Variants in SBF1 observed in about 807,000 individuals in gnomAD.
SBF1 encodes the protein myotubularin-related protein 5.
Under a neutral mutation model 215.8 loss-of-function variants are expected in SBF1, and 65 were observed. That is an observed-to-expected ratio of 0.30 (90% CI 0.25 to 0.37). The LOEUF (loss-of-function observed/expected upper bound fraction) is 0.37, where lower values mean the gene tolerates loss of function less well. SBF1 is among the 10% of genes least tolerant of loss of function. The pLI is 1.00. For synonymous variants in SBF1, 1,410 were observed against 1,122.8 expected (o/e 1.26, Z -5.11); for missense variants, 2,634 against 2,667.8 (o/e 0.99, Z 0.28).
At position 50,455,461 on chromosome 22, in the gene SBF1, C is replaced by T. The variant is rs2067210922; in HGVS notation, c.4368+20G>A. On this transcript the variant is annotated intron_variant, in intron 32 of 40. Transcript: ENST00000380817. ...AGGAGCCCGGGAGCCTGGCCCACCC[C>T]AGCCCCACGCGCCACACACCTGGGT... 2 of 1,612,072 alleles carry T rather than the reference C, an allele frequency of 1.2e-6. No homozygotes were observed. Among genetic ancestry groups the T allele is most frequent in the South Asian group, 1.1e-5 (1 of 90,954 alleles).
At chr22:50,457,955 C>G (rs4824119) in intron 28 of SBF1, among the ~76,000 whole-genome samples, 56,933 of 151,976 alleles carry the variant, frequency 0.37, 11,807 homozygotes, top group Non-Finnish European at 0.48. Flanking sequence ...AGTGAGGACG[C>G]AGCACCAGCC....
Position 50,447,356 on chromosome 22 carries a change from G to A in SBF1, c.5549C>T (p.Ala1850Val). 1 of 1,614,050 alleles carries A rather than the reference G, an allele frequency of 6.2e-7. No homozygotes were observed. Among genetic ancestry groups the A allele is most frequent in the Non-Finnish European group, 8.5e-7 (1 of 1,179,968 alleles). ...AVAPGTPTMGAPKTVDEKAFF... is the reference protein window; with the variant it reads ...AVAPGTPTMGVPKTVDEKAFF... ...GGCCTTCTCGTCCACAGTCTTAGGG[G>A]CACCCATAGTGGGCGTGCCAGGTGC... Residue 1850 changes from alanine (A) to valine (V), a missense_variant, in exon 40 of 41, where the codon GCC becomes GTC. Ala to Val is a moderately conservative substitution (Grantham distance 64, BLOSUM62 0). Transcript: ENST00000380817.
In SBF1 at chr22:50,462,870, C is replaced by G; in HGVS notation, c.1968G>C (p.Arg656=). 6.2e-7 allele frequency: 1 copy of G among 1,613,188 alleles called. No homozygotes were observed. Among genetic ancestry groups the G allele is most frequent in the Non-Finnish European group, 8.5e-7 (1 of 1,179,934 alleles). ...ALLPLVTAFC[R]KLSPGVTQFA... ...AGACCTCAGCCATGCCAGCACTCAC[C>G]CGGCAGAAGGCTGTGACCAGAGGCA... The change falls in exon 17 of 41, where the codon CGG becomes CGC. Residue 656 remains arginine (R), a splice_region_variant and synonymous_variant. Coordinates refer to ENST00000380817, the MANE Select transcript of SBF1 (RefSeq NM_002972.4).
In SBF1 at chr22:50,462,571, C is replaced by A; in HGVS notation, c.2115G>T (p.Leu705=). The change falls in exon 18 of 41, where the codon CTG becomes CTT. Residue 705 remains leucine (L), a synonymous_variant. Transcript: ENST00000380817. The part of the protein sequence containing the change: ...RALYLEPTED[L]APAQEVGEAP... Reference sequence around the variant, plus strand: ...AGTCCCTGCGCACCTGGGCGGGGGCCAGGTCCTCCGTGGGCTCCAGGTAGA... The same window carrying A: ...AGTCCCTGCGCACCTGGGCGGGGGCAAGGTCCTCCGTGGGCTCCAGGTAGA... 6.2e-7 allele frequency: 1 copy of A among 1,611,748 alleles called. No individual in the cohort carries two copies. The highest frequency in any genetic ancestry group is 8.5e-7 in the Non-Finnish European group (1 of 1,179,532).
At chr22:50,474,131 C>T (rs2068089145) in intron 1 of SBF1, among the ~76,000 whole-genome samples, 1 of 152,224 alleles carries the variant, frequency 6.6e-6, no homozygotes. Context: ...CCGACCGCCA[C>T]GCTGATACCC....
rs566027323 is a variant in SBF1 at position 50,472,159 on chromosome 22, G to A, written c.55+2627C>T. ...GTGAGGGGCCTGCAGATGGGCCAGC[G>A]CTGGCCACCATCACTCTCTGAGGTG... On this transcript the variant is annotated intron_variant, in intron 1 of 40. Coordinates refer to ENST00000380817, the MANE Select transcript of SBF1 (RefSeq NM_002972.4). Among the ~76,000 whole-genome samples the A allele has an allele frequency of 7.2e-5, 11 of 152,304 alleles. No individual in the cohort carries two copies. In the South Asian group the frequency reaches 1.7e-3, roughly 23 times the overall value.
At chr22:50,447,744 C>G in intron 38 of SBF1, 135 bp from the exon 39 acceptor site, 2 of 649,226 alleles carry the variant, frequency 3.1e-6, no homozygotes, top group Non-Finnish European at 5.3e-6. Context: ...CTGACCTAAG[C>G]CCAGAGCACT....
chr22:50,462,759 A>G (rs757244355), intron 17 of SBF1, 42 bp from the exon 18 acceptor site: 277 of 1,609,342 alleles, frequency 1.7e-4, no homozygotes, highest in Non-Finnish European at 2.3e-4. Context: ...TGCAGCCAGG[A>G]AGGGCGGCTG....
rs146802280 is a variant in SBF1, at chr22:50,453,961, T to TA, written c.5043+550dup. On this transcript the variant is annotated intron_variant, in intron 36 of 40. Coordinates refer to ENST00000380817, the MANE Select transcript of SBF1 (RefSeq NM_002972.4). ...ACGCGCAGGACACTGCCTCAGGCCT[T>TA]ACACACCAACCCAGCCACCACCCAA... 6.6e-3 allele frequency among the ~76,000 whole-genome samples: 1,005 copies of TA among 151,964 alleles called. 15 individuals are homozygous for TA. The highest frequency in any genetic ancestry group is 0.023 in the African/African-American group (935 of 41,412).
intron 1 of SBF1, among the ~76,000 whole-genome samples, chr22:50,469,707 C>G (rs1035385994): frequency 1.3e-5 from 2 of 152,264 alleles, no homozygotes; most frequent in South Asian, 2.1e-4. Context: ...ATGGGCAAGG[C>G]GGGGGTCATG....
chr22:50,471,566 A>AG (rs1209118691), intron 1 of SBF1, among the ~76,000 whole-genome samples: 4 of 152,302 alleles, frequency 2.6e-5, no homozygotes, highest in Non-Finnish European at 5.9e-5. Context: ...AAAAGAGAAA[A>AG]GAAGGAAGGA....
rs546972038 is a variant in SBF1 at position 50,474,399 on chromosome 22, G to A, written c.55+387C>T. Among the ~76,000 whole-genome samples, 32 of 152,330 alleles carry A rather than the reference G, an allele frequency of 2.1e-4. No individual in the cohort carries two copies. In the East Asian group the frequency reaches 5.6e-3, roughly 27 times the overall value. On this transcript the variant is annotated intron_variant, in intron 1 of 40. Transcript: ENST00000380817. ...GGAGCCACTAGAGCCACAGCCGCCC[G>A]CAGCTGGCCAAGGAGAGAGCCCGTC...
intron 17 of SBF1, 30 bp from the exon 18 acceptor site, chr22:50,462,747 G>C (rs958974229): frequency 1.2e-6 from 2 of 1,609,770 alleles, no homozygotes; most frequent in Non-Finnish European, 1.7e-6. Context: ...AGGTCAGCTG[G>C]ATGCAGCCAG....
chr22:50,458,674 C>G (rs1445852190), intron 28 of SBF1, among the ~76,000 whole-genome samples: 1 of 152,234 alleles, frequency 6.6e-6, no homozygotes, highest in African/African-American at 2.4e-5. Flanking sequence ...CGTCCTGGGG[C>G]CAGTCTAGCT....
chr22:50,451,907 C>T (rs1279024206), intron 36 of SBF1, among the ~76,000 whole-genome samples: 3 of 151,826 alleles, frequency 2.0e-5, no homozygotes, highest in African/African-American at 7.3e-5. Flanking sequence ...AGCGATTCTC[C>T]TGCCTCAGCC....
Position 50,455,372 on chromosome 22 carries a change from T to C in SBF1, c.4406A>G (p.Tyr1469Cys), listed in dbSNP as rs1431910520. The change falls in exon 33 of 41, where the codon TAC becomes TGC. Residue 1469 changes from tyrosine (Y) to cysteine (C), a missense_variant. Physicochemically the swap from Tyr to Cys is radical, Grantham distance 194. Coordinates refer to ENST00000380817, the MANE Select transcript of SBF1 (RefSeq NM_002972.4). ...CAGGCGAAAGCCCTCCAGCGTGCGGTAGAAGGGGTCTGAGAGCAGCTGCAC... is the reference window on the plus strand; with the variant it reads ...CAGGCGAAAGCCCTCCAGCGTGCGGCAGAAGGGGTCTGAGAGCAGCTGCAC... ...SLVQLLSDPFYRTLEGFRLLV... is the reference protein window; with the variant it reads ...SLVQLLSDPFCRTLEGFRLLV... The C allele has an allele frequency of 2.5e-6, 4 of 1,612,860 alleles. No homozygotes were observed. In the African/African-American group the frequency reaches 4.0e-5, roughly 16 times the overall value.
Position 50,465,053 on chromosome 22 carries a change from C to T in SBF1, c.1280G>A (p.Gly427Asp), listed in dbSNP as rs2067689178. 2 of 1,614,092 alleles carry T rather than the reference C, an allele frequency of 1.2e-6. No individual in the cohort carries two copies. The highest frequency in any genetic ancestry group is 1.7e-6 in the Non-Finnish European group (2 of 1,179,986). The change falls in exon 12 of 41, where the codon GGC becomes GAC. Residue 427 changes from glycine to aspartate, a missense_variant. Gly to Asp is a moderately conservative substitution (Grantham distance 94, BLOSUM62 -1). Coordinates refer to ENST00000380817, the MANE Select transcript of SBF1 (RefSeq NM_002972.4). ...MKVLEGMAFAGFVSERGVPYR... is the reference protein window; with the variant it reads ...MKVLEGMAFADFVSERGVPYR... ...TGGGACCCCACGCTCTGACACAAAG[C>T]CAGCAAAGGCCATGCCCTCCAGCAC...
intron 1 of SBF1, among the ~76,000 whole-genome samples, chr22:50,468,683 C>T (rs923879066): frequency 1.3e-5 from 2 of 152,210 alleles, no homozygotes; most frequent in East Asian, 1.9e-4. Context: ...CCCCATTCTC[C>T]GATCCCACCC....
In SBF1 at chr22:50,462,107, A is replaced by G. The variant is rs371475259; in HGVS notation, c.2409T>C (p.Ser803=). ...NSLVTNSMAG[S]VAESYDTESG... ...TCTCCGTGTCATAGCTCTCGGCCAC[A>G]CTGCCAGCCATGCTGGGCCAGAGAA... Residue 803 remains serine, a synonymous_variant, in exon 20 of 41, where the codon AGT becomes AGC. Transcript: ENST00000380817. 8 of 1,613,378 alleles carry G rather than the reference A, an allele frequency of 5.0e-6. No individual in the cohort carries two copies. Among genetic ancestry groups the G allele is most frequent in the Admixed American group, 3.3e-5 (2 of 60,004 alleles).
Sources: allele counts gnomAD v4.1 joint callset (sites outside exome capture counted in the v4.1 genomes callset), GRCh38; gene constraint gnomAD v4.1.1; transcripts MANE v1.5; gene names NCBI Gene and HGNC (gene_info 2026-07-23, HGNC 2026-07-21).